The following ME3 variants were observed in gnomAD, a reference collection of about 807,000 sequenced individuals.
ME3 encodes the protein NADP-dependent malic enzyme, mitochondrial.
In ME3, 48 loss-of-function variants were observed where a neutral mutation model predicts 68.9. The ratio of observed to expected loss-of-function variants is 0.70; its 90% confidence interval spans 0.55 to 0.89. ME3 has a LOEUF of 0.89. Ranked by LOEUF, ME3 falls within the 40% of genes least tolerant of loss-of-function variation. ME3 has a pLI of 0.00. For missense variants in ME3, 675 were observed against 797.4 expected (o/e 0.85, Z 1.85); for synonymous variants, 320 against 318.8 (o/e 1.00, Z -0.04).
At chr11:86,668,689 C>G (rs761836868) in intron 2 of ME3, among the ~76,000 whole-genome samples, 110 of 152,236 alleles carry the variant, frequency 7.2e-4, no homozygotes, top group Non-Finnish European at 1.3e-3. Flanking sequence ...ACAATAGCAG[C>G]AATGCTTGCC....
At chr11:86,582,877 C>T (rs1367426697) in intron 2 of ME3, among the ~76,000 whole-genome samples, 8 of 137,674 alleles carry the variant, frequency 5.8e-5, no homozygotes, top group East Asian at 4.2e-4. Flanking sequence ...GAGTCTGAAA[C>T]AAAAGGCTTT....
exon 4 of ME3, chr11:86,556,693 A>G (rs1277250627): frequency 1.2e-6 from 2 of 1,613,996 alleles, no homozygotes; most frequent in African/African-American, 2.7e-5. Context: ...GTGTCATGAG[A>G]ATGATGTACC....
Position 86,525,735 on chromosome 11 carries a change from C to T in ME3, c.468-16868G>A, listed in dbSNP as rs550185136. ...AATTAGCCGTGTGTGGTGGCAGGTG[C>T]ATATAATCTCAGTTACCGAGGGAGA... On this transcript the variant is annotated intron_variant, in intron 4 of 14. Coordinates refer to ENST00000543262, the Ensembl canonical transcript of ME3. 5.3e-5 allele frequency among the ~76,000 whole-genome samples: 8 copies of T among 151,916 alleles called. No individual in the cohort carries two copies. The East Asian group carries it at 1.2e-3, about 22-fold the overall frequency.
At chr11:86,453,892 T>C (rs1949775005) in intron 8 of ME3, among the ~76,000 whole-genome samples, 1 of 152,250 alleles carries the variant, frequency 6.6e-6, no homozygotes, top group African/African-American at 2.4e-5. Flanking sequence ...CTCTTTCCTT[T>C]GTTCCCTTAG....
At chr11:86,469,744 A>T (rs1950682270) in intron 7 of ME3, among the ~76,000 whole-genome samples, 1 of 152,182 alleles carries the variant, frequency 6.6e-6, no homozygotes, top group African/African-American at 2.4e-5. Context: ...CAGACTTCCC[A>T]ACCCTGGGGA....
intron 2 of ME3, among the ~76,000 whole-genome samples, chr11:86,614,793 C>G (rs1004647141): frequency 6.6e-6 from 1 of 152,156 alleles, no homozygotes; most frequent in Non-Finnish European, 1.5e-5. Context: ...CTCTATATCT[C>G]TCTAGCCTAT....
At chr11:86,630,660 G>C (rs1594727783) in intron 2 of ME3, among the ~76,000 whole-genome samples, 1 of 152,358 alleles carries the variant, frequency 6.6e-6, no homozygotes, top group East Asian at 1.9e-4. Flanking sequence ...AATCAGGCCT[G>C]TGGCCTGGAG....
chr11:86,599,281 G>C lies in ME3; in HGVS notation c.184-39458C>G, dbSNP rs530017239. On this transcript the variant is annotated intron_variant, in intron 2 of 14. Transcript: ENST00000543262. ...AGGAGCTGATGAAGCTGAAAGCCAA[G>C]GCTCGAGAACTACGTGAAGAAGGCA... Among the ~76,000 whole-genome samples, 12 of 152,314 alleles carry C rather than the reference G, an allele frequency of 7.9e-5. No individual in the cohort carries two copies. In the South Asian group the frequency reaches 2.3e-3, roughly 29 times the overall value.
At chr11:86,594,618 C>A (rs1042086749) in intron 2 of ME3, among the ~76,000 whole-genome samples, 1 of 145,730 alleles carries the variant, frequency 6.9e-6, no homozygotes, top group Non-Finnish European at 1.5e-5. Context: ...CACTTGAGCC[C>A]GAGAGGTCAA....
chr11:86,585,714 T>C (rs1338036315), intron 2 of ME3, among the ~76,000 whole-genome samples: 1 of 152,104 alleles, frequency 6.6e-6, no homozygotes, highest in Non-Finnish European at 1.5e-5. Flanking sequence ...AGCAAAAAGA[T>C]GGCAATTGAA....
chr11:86,659,909 T>C (rs898429478), intron 2 of ME3, among the ~76,000 whole-genome samples: 1 of 146,972 alleles, frequency 6.8e-6, no homozygotes, highest in Non-Finnish European at 1.5e-5. Context: ...GCTGGATCTA[T>C]TTTTTTTTTA....
chr11:86,457,919 G>GT (rs1340891487), intron 8 of ME3, among the ~76,000 whole-genome samples: 1 of 152,210 alleles, frequency 6.6e-6, no homozygotes, highest in Non-Finnish European at 1.5e-5. Flanking sequence ...ATTTGACAAA[G>GT]TTAAAGGAGT....
At chr11:86,671,808 A>G (rs759072886) in exon 2 of ME3, 1 of 1,603,160 alleles carries the variant, frequency 6.2e-7, no homozygotes, top group South Asian at 1.1e-5. Flanking sequence ...GCGCTTCTTC[A>G]GGGGCACAGG....
intron 2 of ME3, among the ~76,000 whole-genome samples, chr11:86,655,648 G>A (rs1945812895): frequency 6.6e-6 from 1 of 151,754 alleles, no homozygotes; most frequent in Non-Finnish European, 1.5e-5. Context: ...AAAAACCCTA[G>A]AAGAAAACCT....
Position 86,656,372 on chromosome 11 carries a change from G to A in ME3, c.183+15390C>T, listed in dbSNP as rs889956049. On this transcript the variant is annotated intron_variant, in intron 2 of 14. Transcript: ENST00000543262. ...CCCAAATGTCCAACAATGATAGACT[G>A]GATTAAGAAAATGTGGCACATATAC... 9.9e-4 allele frequency among the ~76,000 whole-genome samples: 151 copies of A among 151,776 alleles called. 1 individual carries two copies. The highest frequency in any genetic ancestry group is 1.9e-3 in the South Asian group (9 of 4,788).
In ME3 at chr11:86,652,213, G is replaced by A. The variant is rs1053873517; in HGVS notation, c.183+19549C>T. On this transcript the variant is annotated intron_variant, in intron 2 of 14. Transcript: ENST00000543262. ...GAACTTCCCCAATCTAGCAAGGCAG[G>A]CCAACATTTAGATTCAGGAAATACA... 4.3e-4 allele frequency among the ~76,000 whole-genome samples: 66 copies of A among 152,230 alleles called. 1 individual carries two copies. The highest frequency in any genetic ancestry group is 1.3e-3 in the African/African-American group (54 of 41,542).
chr11:86,667,094 T>G (rs1946632758), intron 2 of ME3, among the ~76,000 whole-genome samples: 1 of 152,220 alleles, frequency 6.6e-6, no homozygotes, highest in Admixed American at 6.5e-5. Flanking sequence ...TTTACTGCTC[T>G]AAATGTATCA....
intron 2 of ME3, among the ~76,000 whole-genome samples, chr11:86,629,331 C>T (rs1250065926): frequency 6.6e-6 from 1 of 151,798 alleles, no homozygotes; most frequent in African/African-American, 2.4e-5. Context: ...ATGCAGGGCT[C>T]GTACTCATTT....
chr11:86,485,796 C>A (rs989924281), intron 7 of ME3, among the ~76,000 whole-genome samples: 1 of 152,220 alleles, frequency 6.6e-6, no homozygotes, highest in Non-Finnish European at 1.5e-5. Flanking sequence ...AATCCCCAAC[C>A]CTGATTACAC....
Sources: allele counts gnomAD v4.1 joint callset (sites outside exome capture counted in the v4.1 genomes callset), GRCh38; gene constraint gnomAD v4.1.1; transcripts MANE v1.5; gene names NCBI Gene and HGNC (gene_info 2026-07-23, HGNC 2026-07-21).